ACSM2A: variants seen among roughly 807,000 people sequenced by gnomAD.
ACSM2A encodes the protein acyl-CoA synthetase medium chain family member 2A.
In ACSM2A, 72 loss-of-function variants were observed where a neutral mutation model predicts 76.6. That is an observed-to-expected ratio of 0.94 (90% confidence interval 0.78 to 1.14). The LOEUF is 1.14. ACSM2A is among the 50% of genes most tolerant of loss of function. ACSM2A has a pLI of 0.00. For synonymous variants in ACSM2A, 249 were observed against 255.9 expected, an observed-to-expected ratio of 0.97 and a Z score of 0.26; for missense variants, 684 against 708.5, an observed-to-expected ratio of 0.97 and a Z score of 0.39.
intron 1 of ACSM2A, among the ~76,000 whole-genome samples, chr16:20,457,856 G>A (rs1441954555): frequency 6.6e-6 from 1 of 151,872 alleles, no homozygotes; most frequent in Admixed American, 6.6e-5. Flanking sequence ...CCTCCAAATT[G>A]GTAAAGAGGA....
At chr16:20,483,298 G>A (rs1236212575) in intron 13 of ACSM2A, 121 bp downstream of exon 13, 14 of 1,452,530 alleles carry the variant, frequency 9.6e-6, no homozygotes, top group African/African-American at 4.3e-5. Flanking sequence ...GGCTGGGCGC[G>A]GCAGCTCACG....
At chr16:20,480,035 C>A (rs527615182) in intron 10 of ACSM2A, among the ~76,000 whole-genome samples, 1 of 152,304 alleles carries the variant, frequency 6.6e-6, no homozygotes, top group East Asian at 1.9e-4. Context: ...TAGGAAGATG[C>A]ACTGACAAGG....
intron 12 of ACSM2A, chr16:20,482,439 A>ATG (rs1174902374): frequency 6.6e-6 from 1 of 152,194 alleles, no homozygotes; most frequent in Non-Finnish European, 1.5e-5. Flanking sequence ...GTGGACTTTG[A>ATG]TGTGTGTGTA....
At chr16:20,479,456 G>C (rs1386318326) in intron 10 of ACSM2A, among the ~76,000 whole-genome samples, 1 of 152,110 alleles carries the variant, frequency 6.6e-6, no homozygotes, top group Non-Finnish European at 1.5e-5. Flanking sequence ...GTTTGCTCGA[G>C]TTCAAAACCC....
rs768002944 is a variant in ACSM2A, at chr16:20,478,658, G to T, written c.1262G>T (p.Gly421Val). Residue 421 changes from glycine to valine, a missense_variant, in exon 10 of 14, where the codon GGC (glycine) becomes GTC (valine). Physicochemically the swap from Gly to Val is moderately radical, Grantham distance 109 (BLOSUM62 -3). This residue lies in a region of ACSM2A where 519 missense variants were observed against 549.5 expected (regional missense o/e 0.94). Coordinates refer to ENST00000573854, the MANE Select transcript of ACSM2A (RefSeq NM_001308172.2). ...GIRVKPIRPIGIFSGYVDNPD... is the reference protein window; with the variant it reads ...GIRVKPIRPIVIFSGYVDNPD... Reference sequence around the variant, plus strand: ...AGGGTCAAACCCATCAGGCCTATAGGCATCTTCTCTGGCTATGTGGTGAGA... The same window carrying T: ...AGGGTCAAACCCATCAGGCCTATAGTCATCTTCTCTGGCTATGTGGTGAGA... 9.3e-6 allele frequency: 15 copies of T among 1,612,720 alleles called. No homozygotes were observed. Among genetic ancestry groups the T allele is most frequent in the African/African-American group, 1.3e-5 (1 of 75,004 alleles).
At chr16:20,456,310 T>C (rs1302607922) in intron 1 of ACSM2A, among the ~76,000 whole-genome samples, 2 of 140,590 alleles carry the variant, frequency 1.4e-5, no homozygotes, top group Non-Finnish European at 3.1e-5. Context: ...ATTTAACAGA[T>C]ATTTACAGAA....
rs949623956 is a variant in ACSM2A, at chr16:20,458,929, TATAC to T, written c.-8-1174_-8-1171del. ...GCATATATATATATATATATATATA[TATAC>T]ATATATATATATAATGAAATACTAC... is the stretch of plus-strand genomic sequence containing the variant. On this transcript the variant is annotated intron_variant, in intron 1 of 13. Transcript: ENST00000573854. Among the ~76,000 whole-genome samples, 177 of 58,558 alleles carry T rather than the reference TATAC, an allele frequency of 3.0e-3. 3 individuals are homozygous for T. Among genetic ancestry groups the T allele is most frequent in the African/African-American group, 0.016 (144 of 9,120 alleles). 38.4% of individuals were successfully genotyped at this position (58,558 alleles called of 152,430 possible).
chr16:20,471,809 C>T lies in ACSM2A; in HGVS notation c.894+120C>T, dbSNP rs567319398. 9 of 1,494,276 alleles carry T rather than the reference C, an allele frequency of 6.0e-6. No homozygotes were observed. The African/African-American group carries it at 1.3e-4, about 21-fold the overall frequency. The allele number at this position is 1,494,276 out of a possible 1,614,324, so 92.6% of individuals were successfully genotyped here. ...TGCTAAACCCCTGCCATGTGGTGAA[C>T]AGTGTTCAGTAAACGAGATGGAAAT... On this transcript the variant is annotated intron_variant, in intron 6 of 13. Coordinates refer to ENST00000573854, the MANE Select transcript of ACSM2A (RefSeq NM_001308172.2).
rs751284475 is a variant in ACSM2A, at chr16:20,465,636, A to C, written c.297A>C (p.Gly99=). ...NSQQAANVLS[G]ACGLQRGDRV... is the part of the protein sequence containing the mutation. The stretch of plus-strand genomic sequence containing the variant: ...AGCAGGCAGCCAACGTCCTCTCGGG[A>C]GCCTGTGGCCTGCAGCGTGGGGATC... The change falls in exon 3 of 14, where the codon GGA becomes GGC. Residue 99 remains glycine, a synonymous_variant. Transcript: ENST00000573854. The C allele has an allele frequency of 6.2e-7, 1 of 1,614,002 alleles. No individual in the cohort carries two copies. The highest frequency in any genetic ancestry group is 8.5e-7 in the Non-Finnish European group (1 of 1,179,870).
intron 6 of ACSM2A, chr16:20,473,839 A>G (rs2013563026): frequency 3.6e-6 from 1 of 280,530 alleles, no homozygotes; most frequent in South Asian, 3.2e-5. Context: ...AAAAAAAAAG[A>G]TTACAACCTG....
intron 13 of ACSM2A, among the ~76,000 whole-genome samples, chr16:20,486,361 T>C (rs764770024): frequency 2.0e-5 from 3 of 152,262 alleles, no homozygotes; most frequent in Non-Finnish European, 4.4e-5. Flanking sequence ...TCCTTCTCTG[T>C]CTGAGAATAT....
chr16:20,469,610 G>A lies in ACSM2A; in HGVS notation c.487G>A (p.Val163Ile). 2.5e-6 allele frequency: 4 copies of A among 1,613,962 alleles called. No individual in the cohort carries two copies. The highest frequency in any genetic ancestry group is 3.4e-6 in the Non-Finnish European group (4 of 1,179,846). The change falls in exon 4 of 14, where the codon GTC becomes ATC. Residue 163 changes from valine to isoleucine, a missense_variant. Around this residue, in one of 3 missense-constraint regions of ACSM2A, gnomAD observed 519 missense variants for 549.5 expected, o/e 0.94. Transcript: ENST00000573854. ...KAKAIVAGDEVIQEVDTVASE... is the reference protein window; with the variant it reads ...KAKAIVAGDEIIQEVDTVASE... ...CAAGGCTATTGTTGCTGGGGATGAA[G>A]TCATCCAAGAAGTGGACACAGTGGC...
In ACSM2A at chr16:20,477,374, A is replaced by G. The variant is rs1700805; in HGVS notation, c.1104A>G (p.Leu368=). 0.32 allele frequency: 514,511 copies of G among 1,602,440 alleles called. 91,189 individuals are homozygous for G. Among genetic ancestry groups the G allele is most frequent in the East Asian group, 0.81 (36,079 of 44,750 alleles). ...CTGTCTGCTTCTTTCCACAGGGATT[A>G]ACTTGCATGGTTTCCAAGACAATGA... is the stretch of plus-strand genomic sequence containing the variant. ...RESYGQTETG[L]TCMVSKTMKI... Residue 368 remains leucine, a synonymous_variant, in exon 9 of 14, where the codon TTA becomes TTG. Coordinates refer to ENST00000573854, the MANE Select transcript of ACSM2A (RefSeq NM_001308172.2).
intron 13 of ACSM2A, among the ~76,000 whole-genome samples, chr16:20,484,743 G>A (rs1455201831): frequency 6.6e-6 from 1 of 152,076 alleles, no homozygotes; most frequent in Non-Finnish European, 1.5e-5. Context: ...GGCAAGGTGA[G>A]GAAGGGAAGG....
rs779904210 is a variant in ACSM2A at position 20,465,522 on chromosome 16, C to T, written c.183C>T (p.Gly61=). The change falls in exon 3 of 14, where the codon GGC becomes GGT. Residue 61 remains glycine, a synonymous_variant. Transcript: ENST00000573854. ...LDHWADMEKA[G]KRLPSPALWW... ...CAGGGCTTCTCTTTCCTCAGGCTGGCAAGCGACTCCCAAGCCCAGCCCTGT... is the reference window on the plus strand; with the variant it reads ...CAGGGCTTCTCTTTCCTCAGGCTGGTAAGCGACTCCCAAGCCCAGCCCTGT... 10 of 1,613,788 alleles carry T rather than the reference C, an allele frequency of 6.2e-6. No homozygotes were observed. Among genetic ancestry groups the T allele is most frequent in the Non-Finnish European group, 8.5e-6 (10 of 1,179,816 alleles).
At chr16:20,467,298 A>C (rs1277742121) in intron 3 of ACSM2A, among the ~76,000 whole-genome samples, 1 of 152,046 alleles carries the variant, frequency 6.6e-6, no homozygotes, top group East Asian at 1.9e-4. Flanking sequence ...AGTTGTGGAC[A>C]TTTATCCAGT....
intron 9 of ACSM2A, among the ~76,000 whole-genome samples, chr16:20,477,945 A>G (rs1226886549): frequency 6.6e-6 from 1 of 152,162 alleles, no homozygotes; most frequent in Non-Finnish European, 1.5e-5. Context: ...TGTAGTAGCT[A>G]AAGTTTTATT....
chr16:20,467,425 T>C (rs2013073482), intron 3 of ACSM2A, among the ~76,000 whole-genome samples: 1 of 152,152 alleles, frequency 6.6e-6, no homozygotes, highest in Non-Finnish European at 1.5e-5. Context: ...ATGGTCATAT[T>C]GGATGCTCAA....
chr16:20,477,339 G>T (rs753613737), intron 8 of ACSM2A, 30 bp from the exon 9 acceptor site: 2 of 1,583,776 alleles, frequency 1.3e-6, no homozygotes, highest in South Asian at 1.2e-5. Flanking sequence ...TCCTCCTGAG[G>T]TTTGCTGATC....
Sources: allele counts gnomAD v4.1 joint callset (sites outside exome capture counted in the v4.1 genomes callset), GRCh38; gene constraint gnomAD v4.1.1; regional missense constraint gnomAD v4.1.1; transcripts MANE v1.5; gene names NCBI Gene and HGNC (gene_info 2026-07-23, HGNC 2026-07-21).